WDR36: variants seen among roughly 807,000 people sequenced by gnomAD.
The protein encoded by WDR36 is WD repeat domain 36.
WDR36 carries 63 observed loss-of-function variants against 112.7 expected under a neutral mutation model. That is an observed-to-expected ratio of 0.56 (90% CI 0.46 to 0.69). The LOEUF (loss-of-function observed/expected upper bound fraction) is 0.69. Among genes scored for constraint, WDR36 ranks in the 30% least tolerant of loss-of-function variants. WDR36 has a pLI of 0.00. For missense variants in WDR36, 1,226 were observed against 1,070.3 expected (o/e 1.15, Z -2.03); for synonymous variants, 410 against 362.2 (o/e 1.13, Z -1.50).
rs139303905 is a variant in WDR36, at chr5:111,104,334, C to T, written c.888C>T (p.Gly296=). The T allele has an allele frequency of 7.9e-5, 128 of 1,611,786 alleles. No individual in the cohort carries two copies. The African/African-American group carries it at 1.3e-3, about 17-fold the overall frequency. Residue 296 remains glycine (G), a synonymous_variant, in exon 8 of 23, where the codon GGC becomes GGT. Transcript: ENST00000513710. The part of the protein sequence containing the change: ...LHREPLLVTN[G]ADNALRIWIF... Reference sequence around the variant, plus strand: ...GAGAGCCACTTCTTGTCACAAATGGCGCTGACAATGCTCTTAGGGTATTAT... The same window carrying T: ...GAGAGCCACTTCTTGTCACAAATGGTGCTGACAATGCTCTTAGGGTATTAT...
Position 111,096,074 on chromosome 5 carries a change from A to G in WDR36, c.191-1005A>G, listed in dbSNP as rs182588716. On this transcript the variant is annotated intron_variant, in intron 2 of 22. Transcript: ENST00000513710. The stretch of plus-strand genomic sequence containing the variant: ...AATGATAAACTTATAAAACAGGGTT[A>G]TGCAAACAAATACTAATATGGAATT... 1.6e-3 allele frequency among the ~76,000 whole-genome samples: 239 copies of G among 152,376 alleles called. 2 individuals are homozygous for G. The highest frequency in any genetic ancestry group is 7.5e-4 in the Non-Finnish European group (51 of 68,036).
At chr5:111,126,174 T>C (rs1033527778) in intron 22 of WDR36, among the ~76,000 whole-genome samples, 3 of 152,242 alleles carry the variant, frequency 2.0e-5, no homozygotes, top group Admixed American at 6.5e-5. Flanking sequence ...CTTTTCTTTT[T>C]TTAGTGGTTA....
rs1274360529 is a variant in WDR36 at position 111,097,186 on chromosome 5, A to G, written c.291+7A>G. ...ATTTGCCCGTAATAAAGAGGTTGGTATCGCTAAACTACTTGTTTGTCAGTC... is the reference window on the plus strand; with the variant it reads ...ATTTGCCCGTAATAAAGAGGTTGGTGTCGCTAAACTACTTGTTTGTCAGTC... On this transcript the variant is annotated splice_region_variant and intron_variant, in intron 3 of 22. Transcript: ENST00000513710. 9.4e-6 allele frequency: 15 copies of G among 1,598,232 alleles called. No homozygotes were observed. The highest frequency in any genetic ancestry group is 1.3e-5 in the Non-Finnish European group (15 of 1,166,132).
At chr5:111,099,239 C>T (rs1016541515) in intron 4 of WDR36, among the ~76,000 whole-genome samples, 3 of 151,996 alleles carry the variant, frequency 2.0e-5, no homozygotes, top group Non-Finnish European at 4.4e-5. Flanking sequence ...AATATACATC[C>T]ATTTCCTAGG....
rs576033208 is a variant in WDR36, at chr5:111,111,225, A to G, written c.1663A>G (p.Thr555Ala). 1.2e-6 allele frequency: 2 copies of G among 1,611,924 alleles called. No individual in the cohort carries two copies. The highest frequency in any genetic ancestry group is 2.2e-5 in the South Asian group (2 of 91,062). The change falls in exon 15 of 23, where the codon ACT becomes GCT. Residue 555 changes from threonine (T) to alanine (A), a missense_variant. By Grantham distance (58) the Thr-to-Ala change is moderately conservative. Coordinates refer to ENST00000513710, the MANE Select transcript of WDR36 (RefSeq NM_139281.3). Reference sequence around the variant, plus strand: ...CTCCATTAGTGTTCTGGACATAGAAACTAGGAAGATTGTCAGAGAGTTTTC... The same window carrying G: ...CTCCATTAGTGTTCTGGACATAGAAGCTAGGAAGATTGTCAGAGAGTTTTC... ...DFSISVLDIE[T>A]RKIVREFSGH... is the part of the protein sequence containing the mutation.
Position 111,121,161 on chromosome 5 carries a change from A to T in WDR36, c.2148+20A>T, listed in dbSNP as rs1753559125. 10 of 1,612,958 alleles carry T rather than the reference A, an allele frequency of 6.2e-6. No individual in the cohort carries two copies. Among genetic ancestry groups the T allele is most frequent in the Non-Finnish European group, 7.6e-6 (9 of 1,179,198 alleles). On this transcript the variant is annotated intron_variant, in intron 19 of 22. Coordinates refer to ENST00000513710, the MANE Select transcript of WDR36 (RefSeq NM_139281.3). ...ATTAAGGTAATAATTAACATTCTTT[A>T]TAGACCCTAAGCATGCATCCAGAAG...
At chr5:111,102,793 C>T (rs1753147113) in intron 6 of WDR36, among the ~76,000 whole-genome samples, 1 of 151,268 alleles carries the variant, frequency 6.6e-6, no homozygotes, top group African/African-American at 2.4e-5. Context: ...TAATTGGAGC[C>T]AAAATCCTAA....
At chr5:111,103,278 A>G (rs769061188) in intron 6 of WDR36, among the ~76,000 whole-genome samples, 2 of 151,782 alleles carry the variant, frequency 1.3e-5, no homozygotes, top group Non-Finnish European at 2.9e-5. Flanking sequence ...ACCATAGAAT[A>G]TTAGAACTGG....
In WDR36 at chr5:111,094,948, G is replaced by A; in HGVS notation, c.190+1G>A. 1 of 1,606,408 alleles carries A rather than the reference G, an allele frequency of 6.2e-7. No homozygotes were observed. The highest frequency in any genetic ancestry group is 8.5e-7 in the Non-Finnish European group (1 of 1,175,358). On this transcript the variant is annotated splice_donor_variant, in intron 2 of 22. Transcript: ENST00000513710. LOFTEE classifies it high-confidence loss of function. Reference sequence around the variant, plus strand: ...CAGAAACTTAGTCTGGTTGCAGTAAGTAAGTATGGACTTTATTCTGAATTT... The same window carrying A: ...CAGAAACTTAGTCTGGTTGCAGTAAATAAGTATGGACTTTATTCTGAATTT...
chr5:111,107,063 T>C (rs1753235067), intron 11 of WDR36, among the ~76,000 whole-genome samples: 1 of 151,402 alleles, frequency 6.6e-6, no homozygotes, highest in African/African-American at 2.4e-5. Context: ...CGTTCCACAA[T>C]GTATACATAT....
intron 10 of WDR36, 133 bp downstream of exon 10, chr5:111,105,493 G>T: frequency 1.2e-6 from 1 of 816,924 alleles, no homozygotes; most frequent in South Asian, 1.5e-5. Context: ...TATGGAAGAG[G>T]TAGTAAGATT....
rs191638718 is a variant in WDR36 at position 111,097,169 on chromosome 5, G to T, written c.281G>T (p.Arg94Leu). Residue 94 changes from arginine to leucine, a missense_variant, in exon 3 of 23, where the codon CGT (arginine) becomes CTT (leucine). By Grantham distance (102) the Arg-to-Leu change is moderately radical. Transcript: ENST00000513710. ...GGAAATGTTTTCTCTGCATTTGCCC[G>T]TAATAAAGAGGTTGGTATCGCTAAA... is the stretch of plus-strand genomic sequence containing the variant. ...AYGNVFSAFA[R>L]NKEIVHTFKG... is the part of the protein sequence containing the mutation. The T allele has an allele frequency of 1.9e-6, 3 of 1,612,206 alleles. No individual in the cohort carries two copies. Among genetic ancestry groups the T allele is most frequent in the East Asian group, 2.2e-5 (1 of 44,828 alleles).
At position 111,125,566 on chromosome 5, in the gene WDR36, A is replaced by G. The variant is rs779642328; in HGVS notation, c.2351-42A>G. Reference sequence around the variant, plus strand: ...GGAAAACTGTAATTTTCTAAGTTAAATGATTATAATCAAGTCATAACTGGA... The same window carrying G: ...GGAAAACTGTAATTTTCTAAGTTAAGTGATTATAATCAAGTCATAACTGGA... On this transcript the variant is annotated intron_variant, in intron 21 of 22. Transcript: ENST00000513710. The G allele has an allele frequency of 1.9e-6, 3 of 1,574,560 alleles. No individual in the cohort carries two copies. In the East Asian group the frequency reaches 6.9e-5, roughly 36 times the overall value.
intron 19 of WDR36, among the ~76,000 whole-genome samples, chr5:111,121,863 G>A (rs540565161): frequency 1.3e-5 from 2 of 152,248 alleles, no homozygotes; most frequent in African/African-American, 4.8e-5. Flanking sequence ...TGCAAGTATT[G>A]TTTGGTGAAA....
intron 12 of WDR36, among the ~76,000 whole-genome samples, chr5:111,108,895 G>A (rs1753270844): frequency 2.6e-5 from 4 of 151,236 alleles, no homozygotes; most frequent in Admixed American, 2.6e-4. Flanking sequence ...ATATTTAGCT[G>A]GAGTTGAGTC....
At chr5:111,107,195 C>T (rs2112575053) in intron 11 of WDR36, 99 bp from the exon 12 acceptor site, 4 of 1,372,430 alleles carry the variant, frequency 2.9e-6, no homozygotes, top group East Asian at 5.0e-5. Context: ...TTTGTTTTAC[C>T]ATTGTATCCC....
At chr5:111,102,205 C>A in intron 5 of WDR36, 140 bp from the exon 6 acceptor site, 1 of 681,936 alleles carries the variant, frequency 1.5e-6, no homozygotes, top group Non-Finnish European at 2.5e-6. Flanking sequence ...GTGACATTAG[C>A]TTAATCATCA....
chr5:111,104,047 G>T lies in WDR36; in HGVS notation c.730+129G>T, dbSNP rs1048888028. 2.9e-6 allele frequency: 4 copies of T among 1,400,924 alleles called. No homozygotes were observed. In the African/African-American group the frequency reaches 4.4e-5, roughly 15 times the overall value. The allele number at this position is 1,400,924 out of a possible 1,614,324, so 86.8% of individuals were successfully genotyped here. On this transcript the variant is annotated intron_variant, in intron 7 of 22. Transcript: ENST00000513710. ...AATGAATACTGGAGTAAAAGGCAAA[G>T]AAATATGAATAGATTATTGGTATAT...
Position 111,097,074 on chromosome 5 carries a change from G to A in WDR36, c.191-5G>A. ...CTGTTTCTTTCATTTTGTATTTTCT[G>A]CTAGGTAATTCTGTTCCACAGGATA... On this transcript the variant is annotated splice_region_variant and splice_polypyrimidine_tract_variant and intron_variant, in intron 2 of 22. Transcript: ENST00000513710. 6.2e-7 allele frequency: 1 copy of A among 1,606,160 alleles called. No homozygotes were observed. Among genetic ancestry groups the A allele is most frequent in the Non-Finnish European group, 8.5e-7 (1 of 1,173,202 alleles).
Sources: allele counts gnomAD v4.1 joint callset (sites outside exome capture counted in the v4.1 genomes callset), GRCh38; gene constraint gnomAD v4.1.1; transcripts MANE v1.5; gene names NCBI Gene and HGNC (gene_info 2026-07-23, HGNC 2026-07-21).